Variants in SLC39A6 observed in about 807,000 individuals in gnomAD.
The protein encoded by SLC39A6 is solute carrier family 39 member 6, also known as zinc transporter ZIP6.
SLC39A6 carries 51 observed loss-of-function variants against 63.5 expected under a neutral mutation model. That is an observed-to-expected ratio of 0.80 (90% confidence interval 0.64 to 1.01). The LOEUF (loss-of-function observed/expected upper bound fraction) is 1.01. Ranked by LOEUF, SLC39A6 falls within the 50% of genes least tolerant of loss-of-function variation. The pLI, the probability that SLC39A6 is intolerant of heterozygous loss-of-function variation, is 0.00. For missense variants in SLC39A6, 805 were observed against 927.8 expected (o/e 0.87, Z 1.72); for synonymous variants, 318 against 324.7 (o/e 0.98, Z 0.22).
Position 36,126,699 on chromosome 18 carries a change from C to CTCGTGGTCTGAGTGATGG in SLC39A6, c.291_308dup (p.Asp97_His102dup), listed in dbSNP as rs750385480. On this transcript the variant is annotated inframe_insertion, in exon 2 of 10. Transcript: ENST00000269187. ...AGTGACGCTCATGGTCTGAGTGATG[C>CTCGTGGTCTGAGTGATGG]TCGTGGTCTGAGTGATGGTCGTGGT... The CTCGTGGTCTGAGTGATGG allele has an allele frequency of 3.5e-5, 57 of 1,613,392 alleles. No homozygotes were observed. The highest frequency in any genetic ancestry group is 4.5e-5 in the Non-Finnish European group (53 of 1,179,658).
chr18:36,126,539 C>T lies in SLC39A6; in HGVS notation c.469G>A (p.Asp157Asn). The T allele has an allele frequency of 1.2e-6, 2 of 1,614,226 alleles. No homozygotes were observed. The highest frequency in any genetic ancestry group is 3.3e-5 in the Admixed American group (2 of 60,034). ...CCTTTCCCCTGGCTGTTTCTAGGAT[C>T]TTTACCTGAACTATCTGAGTCATGG... The part of the protein sequence containing the change: ...PDHDSDSSGK[D>N]PRNSQGKGAH... The change falls in exon 2 of 10, where the codon GAT becomes AAT. Residue 157 changes from aspartate to asparagine, a missense_variant. This residue lies in a region of SLC39A6 where 639 missense variants were observed against 644.0 expected (regional missense o/e 0.99). Coordinates refer to ENST00000269187, the MANE Select transcript of SLC39A6 (RefSeq NM_012319.4).
rs2089283690 is a variant in SLC39A6, at chr18:36,109,454, AAC to A, written c.*137_*138del. On this transcript the variant is annotated 3_prime_UTR_variant, in exon 10 of 10. Coordinates refer to ENST00000269187, the MANE Select transcript of SLC39A6 (RefSeq NM_012319.4). ...AAAACGTACCTTTAACTGACTTTGTAACAGACAGCAATATTCAATACAAAAAT... is the reference window on the plus strand; with the variant it reads ...AAAACGTACCTTTAACTGACTTTGTAAGACAGCAATATTCAATACAAAAAT... 1.7e-6 allele frequency: 1 copy of A among 598,848 alleles called. No individual in the cohort carries two copies. The highest frequency in any genetic ancestry group is 1.9e-5 in the African/African-American group (1 of 53,042). 37.1% of individuals were successfully genotyped at this position (598,848 alleles called of 1,614,324 possible).
chr18:36,117,562 T>C (rs1227032322), intron 5 of SLC39A6, among the ~76,000 whole-genome samples: 1 of 152,276 alleles, frequency 6.6e-6, no homozygotes, highest in East Asian at 1.9e-4. Flanking sequence ...GTTTGAACAA[T>C]GGTGTCTGTG....
At chr18:36,119,883 A>G (rs1378649842) in intron 5 of SLC39A6, among the ~76,000 whole-genome samples, 1 of 151,572 alleles carries the variant, frequency 6.6e-6, no homozygotes, top group Non-Finnish European at 1.5e-5. Context: ...CTGTCTCTTA[A>G]AAAAAGATAC....
At chr18:36,111,736 C>T (rs1331256342) in intron 8 of SLC39A6, among the ~76,000 whole-genome samples, 4 of 152,170 alleles carry the variant, frequency 2.6e-5, no homozygotes, top group East Asian at 3.8e-4. Context: ...CCCCTTGCCC[C>T]GGCCTCCCGA....
intron 5 of SLC39A6, among the ~76,000 whole-genome samples, chr18:36,120,565 G>C (rs1378712423): frequency 2.6e-5 from 4 of 152,220 alleles, no homozygotes; most frequent in African/African-American, 9.6e-5. Flanking sequence ...AACTGTGTTA[G>C]TTTTGAAACC....
rs1192349670 is a variant in SLC39A6 at position 36,129,156 on chromosome 18, G to C, written c.-52C>G. 6.6e-6 allele frequency: 1 copy of C among 152,478 alleles called. No individual in the cohort carries two copies. The highest frequency in any genetic ancestry group is 1.5e-5 in the Non-Finnish European group (1 of 68,230). 9.4% of individuals were successfully genotyped at this position (152,478 alleles called of 1,614,324 possible). A position where few individuals can be genotyped will look rare whatever the true frequency, so the allele number is the denominator to read the frequency against. On this transcript the variant is annotated 5_prime_UTR_variant, in exon 1 of 10. Coordinates refer to ENST00000269187, the MANE Select transcript of SLC39A6 (RefSeq NM_012319.4). Reference sequence around the variant, plus strand: ...GTCCCACGGCCCGGCCACGCGCGCAGGTTTGGTTCCACACGGGCGGTCCAG... The same window carrying C: ...GTCCCACGGCCCGGCCACGCGCGCACGTTTGGTTCCACACGGGCGGTCCAG...
chr18:36,126,156 T>TA (rs1248351029), intron 2 of SLC39A6, 63 bp downstream of exon 2: 2 of 1,406,298 alleles, frequency 1.4e-6, no homozygotes, highest in African/African-American at 2.9e-5. Flanking sequence ...TAACTAGAGA[T>TA]AGAGTAGCAG....
chr18:36,126,950 G>T lies in SLC39A6; in HGVS notation c.58C>A (p.Pro20Thr). The T allele has an allele frequency of 1.2e-6, 2 of 1,614,100 alleles. No individual in the cohort carries two copies. Among genetic ancestry groups the T allele is most frequent in the Non-Finnish European group, 1.7e-6 (2 of 1,180,018 alleles). Reference protein sequence around the residue: ...ILTFALSVTNPLHELKAAAFP... With the variant: ...ILTFALSVTNTLHELKAAAFP... ...GCAGCTGCTTTTAGTTCATGAAGGG[G>T]ATTTGTGACAGAGAGGGCAAAGGTC... The change falls in exon 2 of 10, where the codon CCC becomes ACC. Residue 20 changes from proline to threonine, a missense_variant. Transcript: ENST00000269187.
At chr18:36,121,470 A>G (rs184140898) in intron 5 of SLC39A6, among the ~76,000 whole-genome samples, 21 of 152,264 alleles carry the variant, frequency 1.4e-4, no homozygotes, top group African/African-American at 4.8e-4. Context: ...ATCATTTTTA[A>G]GAGTCTCCTG....
chr18:36,121,305 C>T (rs1466042251), intron 5 of SLC39A6, among the ~76,000 whole-genome samples: 3 of 152,108 alleles, frequency 2.0e-5, no homozygotes, highest in Admixed American at 6.5e-5. Flanking sequence ...TACAGGCATG[C>T]GCCATCTCAC....
chr18:36,120,131 T>C (rs1162972663), intron 5 of SLC39A6, among the ~76,000 whole-genome samples: 1 of 152,058 alleles, frequency 6.6e-6, no homozygotes, highest in Non-Finnish European at 1.5e-5. Flanking sequence ...ATATGGCAGA[T>C]AACCTAAAAC....
chr18:36,115,461 AAACAAC>A (rs59445780), intron 6 of SLC39A6, among the ~76,000 whole-genome samples: 171 of 147,566 alleles, frequency 1.2e-3, no homozygotes, highest in Middle Eastern at 7.1e-3. Flanking sequence ...AAAAAAATTA[AAACAAC>A]AACAACAACA....
rs940795092 is a variant in SLC39A6 at position 36,126,502 on chromosome 18, G to C, written c.506C>G (p.Pro169Arg). The C allele has an allele frequency of 7.4e-6, 12 of 1,614,240 alleles. No homozygotes were observed. The highest frequency in any genetic ancestry group is 1.0e-5 in the Non-Finnish European group (12 of 1,180,042). Residue 169 changes from proline (P) to arginine (R), a missense_variant, in exon 2 of 10, where the codon CCA (proline) becomes CGA (arginine). Pro to Arg is a moderately radical substitution (Grantham distance 103, BLOSUM62 -2). Transcript: ENST00000269187. ...RNSQGKGAHRPEHASGRRNVK... is the reference protein window; with the variant it reads ...RNSQGKGAHRREHASGRRNVK... ...ATTCCTTCTACCACTGGCATGTTCT[G>C]GTCGGTGAGCTCCTTTCCCCTGGCT...
In SLC39A6 at chr18:36,124,750, T is replaced by C. The variant is rs761797068; in HGVS notation, c.790-50A>G. On this transcript the variant is annotated intron_variant, in intron 2 of 9. Transcript: ENST00000269187. ...TCACCAAAAGCCATCCCCATTAGAG[T>C]AGTCTGATGACACAATACCCTTTTT... The C allele has an allele frequency of 1.6e-5, 22 of 1,367,204 alleles. No individual in the cohort carries two copies. In the South Asian group the frequency reaches 3.3e-4, roughly 21 times the overall value. The allele number at this position is 1,367,204 out of a possible 1,614,324, so 84.7% of individuals were successfully genotyped here.
At chr18:36,112,159 A>G (rs995550639) in intron 8 of SLC39A6, among the ~76,000 whole-genome samples, 1 of 152,226 alleles carries the variant, frequency 6.6e-6, no homozygotes, top group African/African-American at 2.4e-5. Flanking sequence ...TCTCCAAAAC[A>G]AGAAAAACAA....
rs769289715 is a variant in SLC39A6, at chr18:36,124,689, T to C, written c.801A>G (p.Ala267=). The part of the protein sequence containing the change: ...TNENPQECFN[A]SKLLTSHGMG... ...TGCCATGAGATGTCAGTAGCTTTGA[T>C]GCATTGAAACACTGAAAGAAACAAA... Residue 267 remains alanine (A), a synonymous_variant, in exon 3 of 10, where the codon GCA becomes GCG. Coordinates refer to ENST00000269187, the MANE Select transcript of SLC39A6 (RefSeq NM_012319.4). 3 of 1,546,812 alleles carry C rather than the reference T, an allele frequency of 1.9e-6. No individual in the cohort carries two copies. Among genetic ancestry groups the C allele is most frequent in the South Asian group, 1.2e-5 (1 of 84,402 alleles).
At position 36,126,945 on chromosome 18, in the gene SLC39A6, A is replaced by G. The variant is rs1235986458; in HGVS notation, c.63T>C (p.Leu21=). Residue 21 remains leucine (L), a synonymous_variant, in exon 2 of 10, where the codon CTT becomes CTC. Transcript: ENST00000269187. ...GGAAAGCAGCTGCTTTTAGTTCATG[A>G]AGGGGATTTGTGACAGAGAGGGCAA... ...LTFALSVTNP[L]HELKAAAFPQ... 6.2e-7 allele frequency: 1 copy of G among 1,614,216 alleles called. No homozygotes were observed.
chr18:36,124,431 G>T, intron 3 of SLC39A6, 89 bp downstream of exon 3: 1 of 822,236 alleles, frequency 1.2e-6, no homozygotes. Flanking sequence ...AATTGTACTG[G>T]AAAACAAATA....
Sources: gnomAD v4.1 joint callset for allele counts (sites outside exome capture counted in the v4.1 genomes callset) on GRCh38, gnomAD v4.1.1 for gene constraint, gnomAD v4.1.1 regional missense constraint, MANE v1.5 for transcripts, NCBI Gene and HGNC (gene_info 2026-07-23, HGNC 2026-07-21) for gene names.